ADAMTS2: variants seen among roughly 807,000 people sequenced by gnomAD.
The protein encoded by ADAMTS2 is A disintegrin and metalloproteinase with thrombospondin motifs 2.
Under a neutral mutation model 123.0 loss-of-function variants are expected in ADAMTS2, and 50 were observed. The observed-to-expected ratio is 0.41, with a 90% CI of 0.32 to 0.51. The LOEUF (loss-of-function observed/expected upper bound fraction) is 0.51, where lower values mean the gene tolerates loss of function less well. Ranked by LOEUF, ADAMTS2 falls within the 20% of genes least tolerant of loss-of-function variation. ADAMTS2 has a pLI of 0.35. For synonymous variants in ADAMTS2, 678 were observed against 695.4 expected (o/e 0.98, Z 0.39); for missense variants, 1,494 against 1,705.2 (o/e 0.88, Z 2.18).
rs1764738739 is a variant in ADAMTS2 at position 179,207,721 on chromosome 5, A to G, written c.689-6T>C. 1.2e-6 allele frequency: 2 copies of G among 1,609,420 alleles called. No individual in the cohort carries two copies. Among genetic ancestry groups the G allele is most frequent in the Non-Finnish European group, 1.7e-6 (2 of 1,179,938 alleles). ...CAGGCTGTCCAGGGAGGCCCCTGCA[A>G]GGAGAGGACACCGTCTTCAGCGGCA... is the stretch of plus-strand genomic sequence containing the variant. On this transcript the variant is annotated splice_polypyrimidine_tract_variant and splice_region_variant and intron_variant, in intron 3 of 21. Coordinates refer to ENST00000251582, the MANE Select transcript of ADAMTS2 (RefSeq NM_014244.5).
At chr5:179,174,072 C>A (rs1763885226) in intron 5 of ADAMTS2, among the ~76,000 whole-genome samples, 1 of 151,498 alleles carries the variant, frequency 6.6e-6, no homozygotes, top group African/African-American at 2.4e-5. Flanking sequence ...ATAAATATTG[C>A]TACATTTCCT....
intron 2 of ADAMTS2, among the ~76,000 whole-genome samples, chr5:179,340,414 T>A (rs547759380): frequency 6.6e-6 from 1 of 152,244 alleles, no homozygotes; most frequent in African/African-American, 2.4e-5. Flanking sequence ...GCCACTCAGC[T>A]CCCAGGCCTG....
chr5:179,190,976 G>C (rs530387261), intron 4 of ADAMTS2, among the ~76,000 whole-genome samples: 1 of 152,380 alleles, frequency 6.6e-6, no homozygotes, highest in South Asian at 2.1e-4. Context: ...CTCCCCGCTG[G>C]CTGCGTCGCC....
At chr5:179,223,711 C>G (rs1296806841) in intron 3 of ADAMTS2, among the ~76,000 whole-genome samples, 2 of 152,222 alleles carry the variant, frequency 1.3e-5, no homozygotes, top group Non-Finnish European at 2.9e-5. Context: ...TACATGCACA[C>G]AAACGCACAT....
chr5:179,186,911 T>C (rs1316381155), intron 4 of ADAMTS2, among the ~76,000 whole-genome samples: 1 of 131,406 alleles, frequency 7.6e-6, no homozygotes, highest in East Asian at 2.5e-4. Context: ...CCCCTTCCAC[T>C]GTCTAAAACC....
In ADAMTS2 at chr5:179,155,255, C is replaced by T. The variant is rs917491834; in HGVS notation, c.1133-336G>A. 2.6e-5 allele frequency among the ~76,000 whole-genome samples: 4 copies of T among 152,200 alleles called. No homozygotes were observed. The highest frequency in any genetic ancestry group is 4.8e-5 in the African/African-American group (2 of 41,454). ...CTTTCCTGCCTGCCGTTCTCTTTCA[C>T]GCCACCTGCCTCTGCCCCCTGCCTG... On this transcript the variant is annotated intron_variant, in intron 6 of 21. Coordinates refer to ENST00000251582, the MANE Select transcript of ADAMTS2 (RefSeq NM_014244.5). This position sits in a 1 kb window ranked among gnomAD's most constrained non-coding sequence, Gnocchi z 5.1.
rs1303636032 is a variant in ADAMTS2, at chr5:179,115,960, C to T, written c.3179-1636G>A. Among the ~76,000 whole-genome samples, 1 of 152,050 alleles carries T rather than the reference C, an allele frequency of 6.6e-6. No individual in the cohort carries two copies. Among genetic ancestry groups the T allele is most frequent in the Admixed American group, 6.6e-5 (1 of 15,262 alleles). ...CTTCAGACTTGCTACAAGCCAAATCCACCAAGGGCCTGTGGGTCCCAAAAG... is the reference window on the plus strand; with the variant it reads ...CTTCAGACTTGCTACAAGCCAAATCTACCAAGGGCCTGTGGGTCCCAAAAG... On this transcript the variant is annotated intron_variant, in intron 21 of 21. Coordinates refer to ENST00000251582, the MANE Select transcript of ADAMTS2 (RefSeq NM_014244.5). This position sits in a 1 kb window ranked among gnomAD's most constrained non-coding sequence, Gnocchi z 4.4.
Position 179,189,601 on chromosome 5 carries a change from C to T in ADAMTS2, c.892-8446G>A, listed in dbSNP as rs1367980166. On this transcript the variant is annotated intron_variant, in intron 4 of 21. Transcript: ENST00000251582. The surrounding 1 kb of genome is among the most constrained non-coding windows in gnomAD (Gnocchi z 4.2). Reference sequence around the variant, plus strand: ...CTTGATCTCCTGACTTCATGATCTGCCCGCCTCGGCCTCCCAAAGTGCTGG... The same window carrying T: ...CTTGATCTCCTGACTTCATGATCTGTCCGCCTCGGCCTCCCAAAGTGCTGG... 3.5e-5 allele frequency among the ~76,000 whole-genome samples: 5 copies of T among 144,236 alleles called. No homozygotes were observed. The highest frequency in any genetic ancestry group is 1.4e-4 in the Admixed American group (2 of 13,888). The allele number at this position is 144,236 out of a possible 152,430, so 94.6% of individuals were successfully genotyped here.
chr5:179,329,094 A>G (rs138076033), intron 2 of ADAMTS2, among the ~76,000 whole-genome samples: 8,046 of 152,098 alleles, frequency 0.053, 449 homozygotes, highest in African/African-American at 0.15. Flanking sequence ...TTGGGAGGCC[A>G]AGGAGGGCGG....
In ADAMTS2 at chr5:179,170,795, C is replaced by T. The variant is rs867831565; in HGVS notation, c.975+10277G>A. ...GGACACAGGGCTCCTCTCCCCTCCT[C>T]GTTCATGCACCTCCCTGGGATTAAA... is the stretch of plus-strand genomic sequence containing the variant. On this transcript the variant is annotated intron_variant, in intron 5 of 21. Coordinates refer to ENST00000251582, the MANE Select transcript of ADAMTS2 (RefSeq NM_014244.5). The surrounding 1 kb of genome is among the most constrained non-coding windows in gnomAD (Gnocchi z 4.3). Among the ~76,000 whole-genome samples the T allele has an allele frequency of 1.6e-4, 24 of 152,326 alleles. No individual in the cohort carries two copies. Among genetic ancestry groups the T allele is most frequent in the African/African-American group, 5.1e-4 (21 of 41,572 alleles).
At chr5:179,235,739 G>T (rs1037466353) in intron 3 of ADAMTS2, among the ~76,000 whole-genome samples, 1 of 152,208 alleles carries the variant, frequency 6.6e-6, no homozygotes, top group Non-Finnish European at 1.5e-5. Flanking sequence ...AGTGCTGATG[G>T]TTGCCAATAG....
intron 2 of ADAMTS2, among the ~76,000 whole-genome samples, chr5:179,330,833 A>T (rs1020596980): frequency 2.0e-5 from 3 of 152,246 alleles, no homozygotes; most frequent in African/African-American, 7.2e-5. Context: ...GAGGTGGAGG[A>T]TGCTCTGGCA....
chr5:179,295,234 G>T (rs1319741080), intron 2 of ADAMTS2, among the ~76,000 whole-genome samples: 1 of 152,186 alleles, frequency 6.6e-6, no homozygotes, highest in African/African-American at 2.4e-5. Context: ...GTTCTGGGCT[G>T]GCGGGTCTCT....
intron 2 of ADAMTS2, among the ~76,000 whole-genome samples, chr5:179,339,677 C>G (rs1757712266): frequency 6.6e-6 from 1 of 152,162 alleles, no homozygotes; most frequent in Non-Finnish European, 1.5e-5. Context: ...GTTCCTGCAG[C>G]CCCTCTTTAG....
chr5:179,279,736 C>T (rs1191766302), intron 2 of ADAMTS2, among the ~76,000 whole-genome samples: 1 of 152,202 alleles, frequency 6.6e-6, no homozygotes, highest in African/African-American at 2.4e-5. Context: ...GCCACTCCGT[C>T]CTCACCACTG....
chr5:179,158,150 A>G lies in ADAMTS2; in HGVS notation c.1132+573T>C, dbSNP rs1407628275. 6.6e-6 allele frequency among the ~76,000 whole-genome samples: 1 copy of G among 152,102 alleles called. No individual in the cohort carries two copies. The highest frequency in any genetic ancestry group is 1.5e-5 in the Non-Finnish European group (1 of 68,034). On this transcript the variant is annotated intron_variant, in intron 6 of 21. Transcript: ENST00000251582. The surrounding 1 kb of genome is among the most constrained non-coding windows in gnomAD (Gnocchi z 5.0). ...CTGCTAATTTTTTTGTATTTTTATT[A>G]GAGACGGGGTTTCACCATGTTAGCC...
At chr5:179,134,740 T>TCCCAGCTC (rs771815844) in intron 13 of ADAMTS2, among the ~76,000 whole-genome samples, 1 of 81,212 alleles carries the variant, frequency 1.2e-5, no homozygotes, top group African/African-American at 3.8e-5. Flanking sequence ...CAGCTCCAGC[T>TCCCAGCTC]CCAGCTCCCG....
At chr5:179,329,292 G>C (rs530618269) in intron 2 of ADAMTS2, among the ~76,000 whole-genome samples, 1 of 146,836 alleles carries the variant, frequency 6.8e-6, no homozygotes, top group Non-Finnish European at 1.5e-5. Context: ...GTGCCACTGC[G>C]CTCCAGCCTG....
chr5:179,147,477 A>G (rs980590969), intron 10 of ADAMTS2, among the ~76,000 whole-genome samples: 2 of 152,212 alleles, frequency 1.3e-5, no homozygotes, highest in Non-Finnish European at 2.9e-5. Flanking sequence ...AAAGTACTCC[A>G]TCTATAAAAC....
Sources: allele counts gnomAD v4.1 joint callset (sites outside exome capture counted in the v4.1 genomes callset), GRCh38; gene constraint gnomAD v4.1.1; non-coding constraint Gnocchi (gnomAD v3.1); transcripts MANE v1.5; gene names NCBI Gene and HGNC (gene_info 2026-07-23, HGNC 2026-07-21).